Variants in MYEF2 observed in about 807,000 individuals in gnomAD.
The protein encoded by MYEF2 is myelin expression factor 2, also known as myelin gene expression factor 2.
In MYEF2, 37 loss-of-function variants were observed where a neutral mutation model predicts 75.2. The observed-to-expected ratio is 0.49, with a 90% CI of 0.38 to 0.65. The LOEUF (loss-of-function observed/expected upper bound fraction) is 0.65, where lower values mean the gene tolerates loss of function less well. MYEF2 is among the 30% of genes least tolerant of loss of function. The probability of loss-of-function intolerance (pLI) is 0.00; values close to 1 mark genes in which losing one functional copy is unlikely to be tolerated. For missense variants in MYEF2, 634 were observed against 771.4 expected, an observed-to-expected ratio of 0.82 and a Z score of 2.11; for synonymous variants, 195 against 241.6, an observed-to-expected ratio of 0.81 and a Z score of 1.79.
intron 13 of MYEF2, 25 bp from the exon 14 acceptor site, chr15:48,151,196 T>C (rs1267007704): frequency 5.1e-6 from 8 of 1,557,436 alleles, no homozygotes; most frequent in South Asian, 1.2e-5. Flanking sequence ...AAAGATAATA[T>C]ACTAATTAAT....
chr15:48,136,991 A>G lies in MYEF2; in HGVS notation c.*5917T>C, dbSNP rs1177530321. 1.3e-6 allele frequency: 2 copies of G among 1,576,552 alleles called. No individual in the cohort carries two copies. Among genetic ancestry groups the G allele is most frequent in the Non-Finnish European group, 1.7e-6 (2 of 1,160,182 alleles). Reference sequence around the variant, plus strand: ...AATCACTAAATCTTGCCCATTATTAAGTCTATTCGCAAAGGAAAAACTTTA... The same window carrying G: ...AATCACTAAATCTTGCCCATTATTAGGTCTATTCGCAAAGGAAAAACTTTA... On this transcript the variant is annotated 3_prime_UTR_variant, in exon 17 of 17. Transcript: ENST00000324324.
chr15:48,151,174 A>T lies in MYEF2; in HGVS notation c.1307-3T>A. On this transcript the variant is annotated splice_region_variant and splice_polypyrimidine_tract_variant and intron_variant, in intron 13 of 16. Coordinates refer to ENST00000324324, the MANE Select transcript of MYEF2 (RefSeq NM_016132.5). ...AAACCCTCCAATCATTGCACTGCCT[A>T]AACAAGGATGGAAAGATAATATACT... is the stretch of plus-strand genomic sequence containing the variant. The T allele has an allele frequency of 6.2e-7, 1 of 1,606,440 alleles. No homozygotes were observed. The highest frequency in any genetic ancestry group is 8.5e-7 in the Non-Finnish European group (1 of 1,175,164).
At chr15:48,145,899 G>A (rs1371256627) in intron 16 of MYEF2, among the ~76,000 whole-genome samples, 1 of 151,840 alleles carries the variant, frequency 6.6e-6, no homozygotes, top group East Asian at 1.9e-4. Flanking sequence ...TTACTGTTAA[G>A]TTATTCTAAA....
Position 48,136,973 on chromosome 15 carries a change from A to G in MYEF2, c.*5935T>C, listed in dbSNP as rs754756034. On this transcript the variant is annotated 3_prime_UTR_variant, in exon 17 of 17. Coordinates refer to ENST00000324324, the MANE Select transcript of MYEF2 (RefSeq NM_016132.5). ...AGTCAGGTTTCTGAAGGTAATCACT[A>G]AATCTTGCCCATTATTAAGTCTATT... 6.2e-7 allele frequency: 1 copy of G among 1,601,108 alleles called. No individual in the cohort carries two copies. Among genetic ancestry groups the G allele is most frequent in the South Asian group, 1.1e-5 (1 of 89,688 alleles).
chr15:48,177,965 G>A (rs1464440185), intron 1 of MYEF2, 112 bp downstream of exon 1: 2 of 1,382,388 alleles, frequency 1.4e-6, no homozygotes, highest in African/African-American at 1.5e-5. Context: ...GCCCGGGGGC[G>A]GGCCGGGGTC....
In MYEF2 at chr15:48,151,159, A is replaced by G. The variant is rs200920790; in HGVS notation, c.1319T>C (p.Ile440Thr). ...TCCTATTCTTCCTGCAAACCCTCCA[A>G]TCATTGCACTGCCTAAACAAGGATG... ...DSFGRLGSAM[I>T]GGFAGRIGSS... is the part of the protein sequence containing the mutation. Residue 440 changes from isoleucine (I) to threonine (T), a missense_variant, in exon 14 of 17, where the codon ATT (isoleucine) becomes ACT (threonine). By Grantham distance (89) the Ile-to-Thr change is moderately conservative. Transcript: ENST00000324324. 3.1e-4 allele frequency: 503 copies of G among 1,609,890 alleles called. 1 individual carries two copies. Among genetic ancestry groups the G allele is most frequent in the East Asian group, 4.5e-5 (2 of 44,662 alleles).
Position 48,173,206 on chromosome 15 carries a change from T to A in MYEF2, c.162-4367A>T, listed in dbSNP as rs1024680985. 2.0e-5 allele frequency among the ~76,000 whole-genome samples: 3 copies of A among 152,138 alleles called. No individual in the cohort carries two copies. In the East Asian group the frequency reaches 5.8e-4, roughly 29 times the overall value. Reference sequence around the variant, plus strand: ...GATGACATACATAAATCAATAAATGTTATACACCACATTAACAGAATGAAG... The same window carrying A: ...GATGACATACATAAATCAATAAATGATATACACCACATTAACAGAATGAAG... On this transcript the variant is annotated intron_variant, in intron 1 of 16. Coordinates refer to ENST00000324324, the MANE Select transcript of MYEF2 (RefSeq NM_016132.5).
chr15:48,175,173 G>T (rs754208861), intron 1 of MYEF2, among the ~76,000 whole-genome samples: 3 of 152,088 alleles, frequency 2.0e-5, no homozygotes, highest in Non-Finnish European at 4.4e-5. Flanking sequence ...CAACAACAGA[G>T]ATAAACCTAG....
Position 48,136,470 on chromosome 15 carries a change from A to G in MYEF2, c.*6438T>C. Reference sequence around the variant, plus strand: ...TTGTTGATCTTGTTTTTAAAAAAAAAAAAACAACACAGAAGTGTCCAGCTT... The same window carrying G: ...TTGTTGATCTTGTTTTTAAAAAAAAGAAAACAACACAGAAGTGTCCAGCTT... On this transcript the variant is annotated 3_prime_UTR_variant, in exon 17 of 17. Transcript: ENST00000324324. 1 of 393,386 alleles carries G rather than the reference A, an allele frequency of 2.5e-6. No homozygotes were observed. The allele number at this position is 393,386 out of a possible 1,614,324, so 24.4% of individuals were successfully genotyped here. A position where few individuals can be genotyped will look rare whatever the true frequency, so the allele number is the denominator to read the frequency against.
At chr15:48,176,562 TTA>T (rs1299987694) in intron 1 of MYEF2, among the ~76,000 whole-genome samples, 1 of 152,166 alleles carries the variant, frequency 6.6e-6, no homozygotes, top group East Asian at 1.9e-4. Context: ...TGATGGAGGT[TTA>T]GATACCAAAC....
In MYEF2 at chr15:48,165,982, T is replaced by G. The variant is rs1413042949; in HGVS notation, c.476A>C (p.Glu159Ala). ...KDEEFVKKAL[E>A]TMNKYDLSGR... The stretch of plus-strand genomic sequence containing the variant: ...ACTAAGATCATATTTGTTCATAGTT[T>G]CTAGGGCTTTCTTTACAAATTCTTC... Residue 159 changes from glutamate (E) to alanine (A), a missense_variant, in exon 5 of 17, where the codon GAA (glutamate) becomes GCA (alanine). By Grantham distance (107) the Glu-to-Ala change is moderately radical (BLOSUM62 -1). Transcript: ENST00000324324. The G allele has an allele frequency of 6.3e-7, 1 of 1,597,164 alleles. No homozygotes were observed. The highest frequency in any genetic ancestry group is 8.5e-7 in the Non-Finnish European group (1 of 1,170,204).
At chr15:48,146,649 G>T (rs528635795) in intron 16 of MYEF2, among the ~76,000 whole-genome samples, 1 of 152,112 alleles carries the variant, frequency 6.6e-6, no homozygotes, top group Non-Finnish European at 1.5e-5. Context: ...GGAGATGCAA[G>T]GAGTACTACT....
At position 48,135,092 on chromosome 15, in the gene MYEF2, C is replaced by G. The variant is rs2038864056; in HGVS notation, c.*7816G>C. The G allele has an allele frequency of 1.3e-6, 1 of 761,616 alleles. No homozygotes were observed. Among genetic ancestry groups the G allele is most frequent in the Non-Finnish European group, 2.2e-6 (1 of 454,424 alleles). 47.2% of individuals were successfully genotyped at this position (761,616 alleles called of 1,614,324 possible). ...ATTTCAGTCACTTAATCTGCCACTT[C>G]TATACCATATTCCAACAGGTCTGTG... On this transcript the variant is annotated 3_prime_UTR_variant, in exon 17 of 17. Coordinates refer to ENST00000324324, the MANE Select transcript of MYEF2 (RefSeq NM_016132.5).
At chr15:48,157,779 G>A (rs1327203607) in intron 9 of MYEF2, 1 of 1,300,530 alleles carries the variant, frequency 7.7e-7, no homozygotes. Context: ...TTGCTGATTA[G>A]TCAGGAAAAG....
At chr15:48,153,742 A>G in intron 10 of MYEF2, 50 bp downstream of exon 10, 1 of 1,373,718 alleles carries the variant, frequency 7.3e-7, no homozygotes, top group Middle Eastern at 1.8e-4. Flanking sequence ...AGGCTTTATT[A>G]GCTAGCATAT....
chr15:48,142,057 C>T lies in MYEF2; in HGVS notation c.*851G>A, dbSNP rs780825118. 142 of 1,612,526 alleles carry T rather than the reference C, an allele frequency of 8.8e-5. No individual in the cohort carries two copies. The highest frequency in any genetic ancestry group is 1.7e-4 in the Admixed American group (10 of 59,928). On this transcript the variant is annotated 3_prime_UTR_variant, in exon 17 of 17. Transcript: ENST00000324324. Reference sequence around the variant, plus strand: ...AAGGAGATATGGCTATGTCTAACATCGTGGGATCCAATGTGTTTGATATGT... The same window carrying T: ...AAGGAGATATGGCTATGTCTAACATTGTGGGATCCAATGTGTTTGATATGT...
In MYEF2 at chr15:48,140,904, A is replaced by G. The variant is rs899772260; in HGVS notation, c.*2004T>C. ...GCTGTTACGTATCTTTAGATATGTC[A>G]TTAAAAATCTGTGCTACCTGGGTTA... On this transcript the variant is annotated 3_prime_UTR_variant, in exon 17 of 17. Transcript: ENST00000324324. 1.1e-5 allele frequency: 5 copies of G among 446,392 alleles called. No individual in the cohort carries two copies. The highest frequency in any genetic ancestry group is 9.9e-5 in the African/African-American group (5 of 50,364). The allele number at this position is 446,392 out of a possible 1,614,324, so 27.7% of individuals were successfully genotyped here.
At chr15:48,148,912 C>G in intron 16 of MYEF2, 120 bp downstream of exon 16, 1 of 972,740 alleles carries the variant, frequency 1.0e-6, no homozygotes, top group Non-Finnish European at 1.6e-6. Context: ...GGCACGCTAT[C>G]AAGACTATCC....
In MYEF2 at chr15:48,141,631, C is replaced by G. The variant is rs2039090851; in HGVS notation, c.*1277G>C. 6.2e-6 allele frequency: 1 copy of G among 161,364 alleles called. No individual in the cohort carries two copies. The highest frequency in any genetic ancestry group is 1.8e-4 in the East Asian group (1 of 5,692). 10.0% of individuals were successfully genotyped at this position (161,364 alleles called of 1,614,324 possible). On this transcript the variant is annotated 3_prime_UTR_variant, in exon 17 of 17. Coordinates refer to ENST00000324324, the MANE Select transcript of MYEF2 (RefSeq NM_016132.5). ...AAAAGTTTACTTCCTCAGTAACATA[C>G]TTTGAAGGGGGAAAAAAGTGACTCC...
Sources: allele counts gnomAD v4.1 joint callset (sites outside exome capture counted in the v4.1 genomes callset), GRCh38; gene constraint gnomAD v4.1.1; transcripts MANE v1.5; gene names NCBI Gene and HGNC (gene_info 2026-07-23, HGNC 2026-07-21).